FHIT: variants seen among roughly 807,000 people sequenced by gnomAD.
FHIT encodes the protein bis(5'-adenosyl)-triphosphatase.
A neutral mutation model predicts 17.9 loss-of-function variants in FHIT; 19 were observed. The observed-to-expected ratio is 1.06, with a 90% CI of 0.74 to 1.56. The LOEUF (loss-of-function observed/expected upper bound fraction) is 1.56, where lower values mean the gene tolerates loss of function less well. Ranked by LOEUF, FHIT falls within the 40% of genes most tolerant of loss-of-function variation. The pLI is 0.00. For missense variants in FHIT, 248 were observed against 189.2 expected (o/e 1.31, Z -1.82); for synonymous variants, 81 against 69.7 (o/e 1.16, Z -0.81).
chr3:60,883,535 A>G (rs1705067042), intron 3 of FHIT, among the ~76,000 whole-genome samples: 1 of 152,180 alleles, frequency 6.6e-6, no homozygotes, highest in African/African-American at 2.4e-5. Context: ...CCAGTGGAAC[A>G]GAACAGATAA....
intron 5 of FHIT, among the ~76,000 whole-genome samples, chr3:60,302,324 A>G (rs1207799052): frequency 6.6e-6 from 1 of 152,056 alleles, no homozygotes. Flanking sequence ...TCCTCCTGGC[A>G]TATTTAATCA....
intron 5 of FHIT, among the ~76,000 whole-genome samples, chr3:60,043,993 T>A (rs892343571): frequency 1.3e-5 from 2 of 152,206 alleles, no homozygotes; most frequent in East Asian, 1.9e-4. Flanking sequence ...ACCCTAAAAC[T>A]GTTAAAGCAA....
rs1576711560 is a variant in FHIT, at chr3:60,470,057, T to TC, written c.103+66802_103+66803insG. 6.3e-4 allele frequency among the ~76,000 whole-genome samples: 85 copies of TC among 135,240 alleles called. 3 individuals are homozygous for TC. In the East Asian group the frequency reaches 7.6e-3, roughly 12 times the overall value. 88.7% of individuals were successfully genotyped at this position (135,240 alleles called of 152,430 possible). ...CTCTCTCCCCTCTCCTCTCTCTTTC[T>TC]TTCTCTCTCTCTCTCTCTCTCTCCA... On this transcript the variant is annotated intron_variant, in intron 5 of 9. Transcript: ENST00000492590.
intron 2 of FHIT, among the ~76,000 whole-genome samples, chr3:61,139,934 C>T (rs2037028606): frequency 6.6e-6 from 1 of 151,390 alleles, no homozygotes; most frequent in African/African-American, 2.4e-5. Context: ...TGGCAACGTT[C>T]ACTCACAGAT....
At chr3:60,694,190 T>A (rs948984094) in intron 4 of FHIT, among the ~76,000 whole-genome samples, 3 of 152,148 alleles carry the variant, frequency 2.0e-5, no homozygotes, top group Non-Finnish European at 4.4e-5. Flanking sequence ...ATGCTGACCT[T>A]TACTGTTTTC....
At chr3:61,138,599 G>A (rs930583488) in intron 2 of FHIT, among the ~76,000 whole-genome samples, 9 of 152,266 alleles carry the variant, frequency 5.9e-5, no homozygotes, top group East Asian at 1.9e-4. Flanking sequence ...CAAAAATGAC[G>A]GTGGCACAAC....
intron 8 of FHIT, among the ~76,000 whole-genome samples, chr3:59,818,382 A>T (rs1700676577): frequency 6.6e-6 from 1 of 151,998 alleles, no homozygotes; most frequent in African/African-American, 2.4e-5. Flanking sequence ...TAATTCACGG[A>T]TGTGGAAGGA....
chr3:60,637,180 A>G (rs539869000), intron 4 of FHIT, among the ~76,000 whole-genome samples: 9 of 152,330 alleles, frequency 5.9e-5, no homozygotes, highest in East Asian at 5.8e-4. Flanking sequence ...TGCATAGGAC[A>G]CTTGGGTAGG....
intron 5 of FHIT, among the ~76,000 whole-genome samples, chr3:60,280,463 C>A (rs532547653): frequency 2.0e-5 from 3 of 152,072 alleles, no homozygotes; most frequent in Non-Finnish European, 4.4e-5. Flanking sequence ...TCTGAGTGGG[C>A]CTTAATGCTA....
intron 2 of FHIT, among the ~76,000 whole-genome samples, chr3:61,171,430 T>C (rs1002234747): frequency 1.3e-5 from 2 of 152,204 alleles, no homozygotes; most frequent in Non-Finnish European, 2.9e-5. Flanking sequence ...GTTCCTTTTG[T>C]TATGCAGAAG....
At chr3:60,887,651 C>CA (rs1192116781) in intron 3 of FHIT, among the ~76,000 whole-genome samples, 12 of 150,856 alleles carry the variant, frequency 8.0e-5, no homozygotes, top group African/African-American at 2.9e-4. Flanking sequence ...CGTCCCAAAA[C>CA]AAAAAACAAA....
intron 5 of FHIT, among the ~76,000 whole-genome samples, chr3:60,140,510 G>A (rs1699995792): frequency 6.6e-6 from 1 of 151,774 alleles, no homozygotes; most frequent in Non-Finnish European, 1.5e-5. Flanking sequence ...CACCACATGA[G>A]ACAAGGTGTC....
chr3:60,599,215 A>C (rs572420112), intron 4 of FHIT, among the ~76,000 whole-genome samples: 1 of 152,130 alleles, frequency 6.6e-6, no homozygotes. Context: ...CTATAATTTT[A>C]TTGTGTTAGA....
chr3:60,921,798 G>C (rs1434375760), intron 3 of FHIT, among the ~76,000 whole-genome samples: 1 of 152,176 alleles, frequency 6.6e-6, no homozygotes, highest in Non-Finnish European at 1.5e-5. Flanking sequence ...AGCCAGCCAA[G>C]GTCCATCTGG....
chr3:61,202,683 T>C (rs1177617699), intron 1 of FHIT, among the ~76,000 whole-genome samples: 1 of 151,176 alleles, frequency 6.6e-6, no homozygotes, highest in Non-Finnish European at 1.5e-5. Context: ...GAGATAAAAA[T>C]AAAATCTTAA....
At position 60,457,783 on chromosome 3, in the gene FHIT, G is replaced by C. The variant is rs139594693; in HGVS notation, c.103+79077C>G. On this transcript the variant is annotated intron_variant, in intron 5 of 9. Transcript: ENST00000492590. ...AAAAACTGGGCGAAGGATATGAACA[G>C]ACACTTCTCAAAAGAAGACATTTAT... Among the ~76,000 whole-genome samples the C allele has an allele frequency of 3.2e-3, 487 of 150,788 alleles. 4 individuals are homozygous for C. Among genetic ancestry groups the C allele is most frequent in the African/African-American group, 0.011 (464 of 41,444 alleles).
At chr3:60,436,935 T>C (rs1017219363) in intron 5 of FHIT, among the ~76,000 whole-genome samples, 3 of 152,160 alleles carry the variant, frequency 2.0e-5, no homozygotes, top group Admixed American at 6.6e-5. Context: ...AATGTTTTGC[T>C]GTGAATTAAA....
intron 5 of FHIT, among the ~76,000 whole-genome samples, chr3:60,203,522 G>A (rs1367678063): frequency 6.6e-6 from 1 of 152,110 alleles, no homozygotes; most frequent in East Asian, 1.9e-4. Context: ...ATCACTGAAA[G>A]CTCCTTTTTG....
At chr3:60,595,374 C>CTT (rs34376484) in intron 4 of FHIT, among the ~76,000 whole-genome samples, 42 of 145,100 alleles carry the variant, frequency 2.9e-4, no homozygotes, top group East Asian at 1.6e-3. Context: ...CCATGTTAGT[C>CTT]TTTTTTTTTT....
Sources: gnomAD v4.1 joint callset for allele counts (sites outside exome capture counted in the v4.1 genomes callset) on GRCh38, gnomAD v4.1.1 for gene constraint, MANE v1.5 for transcripts, NCBI Gene and HGNC (gene_info 2026-07-23, HGNC 2026-07-21) for gene names.